Variants in COL16A1 observed in about 807,000 individuals in gnomAD.
COL16A1 encodes collagen type XVI alpha 1 chain.
In COL16A1, 189 loss-of-function variants were observed where a neutral mutation model predicts 266.3. The observed-to-expected ratio is 0.71, with a 90% confidence interval of 0.63 to 0.80. The LOEUF is 0.80. Among genes scored for constraint, COL16A1 ranks in the 30% least tolerant of loss-of-function variants. The pLI, the probability that COL16A1 is intolerant of heterozygous loss-of-function variation, is 0.00. For synonymous variants in COL16A1, 740 were observed against 782.3 expected, an observed-to-expected ratio of 0.95 and a Z score of 0.90; for missense variants, 1,928 against 2,122.4, an observed-to-expected ratio of 0.91 and a Z score of 1.80.
Position 31,668,744 on chromosome 1 carries a change from C to A in COL16A1, c.3249+58G>T. The A allele has an allele frequency of 6.3e-7, 1 of 1,591,460 alleles. No individual in the cohort carries two copies. The highest frequency in any genetic ancestry group is 8.6e-7 in the Non-Finnish European group (1 of 1,159,872). ...GCCACCCTTCAGAGCTCAAGCTCTG[C>A]CTCCCCAGCTCTTCCTCCCTTTCCA... On this transcript the variant is annotated intron_variant, in intron 50 of 70. Transcript: ENST00000373672. This position sits in a 1 kb window ranked among gnomAD's most constrained non-coding sequence, Gnocchi z 5.8.
rs936557776 is a variant in COL16A1, at chr1:31,695,232, A to G, written c.946-11T>C. On this transcript the variant is annotated splice_polypyrimidine_tract_variant and intron_variant, in intron 10 of 70. Coordinates refer to ENST00000373672, the MANE Select transcript of COL16A1 (RefSeq NM_001856.4). ...GACACAGGGCGGACACTGAAAGGGA[A>G]GAGCAGGCGAAGAGGTCAATTCTGA... 1 of 1,613,752 alleles carries G rather than the reference A, an allele frequency of 6.2e-7. No homozygotes were observed. Among genetic ancestry groups the G allele is most frequent in the Admixed American group, 1.7e-5 (1 of 59,988 alleles).
chr1:31,655,347 C>T lies in COL16A1; in HGVS notation c.4257G>A (p.Gly1419=), dbSNP rs192646338. Residue 1419 remains glycine (G), a synonymous_variant, in exon 67 of 71, where the codon GGG becomes GGA. Transcript: ENST00000373672. ...CAGGCACACCAGGCAAGCCAGGGCT[C>T]CCCGAAGGCCCCGGAGCTCCAGGGT... ...RGHPGAPGPS[G]SPGLPGVPGS... The T allele has an allele frequency of 1.2e-6, 2 of 1,612,890 alleles. No homozygotes were observed. Among genetic ancestry groups the T allele is most frequent in the Non-Finnish European group, 1.7e-6 (2 of 1,179,530 alleles).
chr1:31,664,394 T>C lies in COL16A1; in HGVS notation c.3555+778A>G, dbSNP rs573611276. On this transcript the variant is annotated intron_variant, in intron 56 of 70. Coordinates refer to ENST00000373672, the MANE Select transcript of COL16A1 (RefSeq NM_001856.4). The surrounding 1 kb of genome is among the most constrained non-coding windows in gnomAD (Gnocchi z 5.5). The stretch of plus-strand genomic sequence containing the variant: ...CACAGTGAGACGTTCATGCGTGTGC[T>C]CTCAGGGGAAAGAGGCTCTCCACAA... Among the ~76,000 whole-genome samples the C allele has an allele frequency of 7.0e-4, 107 of 152,180 alleles. 1 individual carries two copies. The highest frequency in any genetic ancestry group is 2.4e-3 in the African/African-American group (100 of 41,498).
chr1:31,696,249 C>T (rs998073229), intron 8 of COL16A1, 108 bp from the exon 9 acceptor site: 15 of 938,596 alleles, frequency 1.6e-5, no homozygotes, highest in Admixed American at 1.2e-4. Flanking sequence ...ATCCTTCAGC[C>T]TGGCATCTGG....
At position 31,661,016 on chromosome 1, in the gene COL16A1, C is replaced by T. The variant is rs549992059; in HGVS notation, c.3825+50G>A. ...AGAAGCGGCTGCATCCCAGACTCTGCAGAGTCTGAAGGCAAACTGAAGGCA... is the reference window on the plus strand; with the variant it reads ...AGAAGCGGCTGCATCCCAGACTCTGTAGAGTCTGAAGGCAAACTGAAGGCA... On this transcript the variant is annotated intron_variant, in intron 61 of 70. Coordinates refer to ENST00000373672, the MANE Select transcript of COL16A1 (RefSeq NM_001856.4). 1.4e-5 allele frequency: 21 copies of T among 1,532,950 alleles called. 1 individual carries two copies. The South Asian group carries it at 2.4e-4, about 18-fold the overall frequency. The allele number at this position is 1,532,950 out of a possible 1,614,324, so 95.0% of individuals were successfully genotyped here.
intron 17 of COL16A1, 86 bp from the exon 18 acceptor site, chr1:31,691,728 A>G: frequency 7.2e-7 from 1 of 1,391,188 alleles, no homozygotes; most frequent in Non-Finnish European, 9.7e-7. Flanking sequence ...CACCTGTCCC[A>G]CCCTCCCTGC....
Position 31,685,277 on chromosome 1 carries a change from G to A in COL16A1, c.2016+362C>T, listed in dbSNP as rs975489335. Among the ~76,000 whole-genome samples, 1 of 151,982 alleles carries A rather than the reference G, an allele frequency of 6.6e-6. No homozygotes were observed. Among genetic ancestry groups the A allele is most frequent in the African/African-American group, 2.4e-5 (1 of 41,238 alleles). ...CTGCCATTTCCCCAGTGCCCATGGT[G>A]TACCACTAAGCACTTCACACACGCC... On this transcript the variant is annotated intron_variant, in intron 29 of 70. Transcript: ENST00000373672. This position sits in a 1 kb window ranked among gnomAD's most constrained non-coding sequence, Gnocchi z 4.0.
intron 13 of COL16A1, 110 bp downstream of exon 13, chr1:31,692,982 G>A: frequency 4.1e-6 from 4 of 973,836 alleles, no homozygotes; most frequent in Non-Finnish European, 6.4e-6. Context: ...CCGTGATCTG[G>A]GCCAAGCTGC....
intron 39 of COL16A1, among the ~76,000 whole-genome samples, chr1:31,680,338 C>T (rs368206509): frequency 2.0e-5 from 3 of 152,174 alleles, no homozygotes; most frequent in African/African-American, 7.2e-5. Context: ...AAAATGGATT[C>T]GTGTATGCAG....
rs773309803 is a variant in COL16A1 at position 31,653,552 on chromosome 1, G to A, written c.4612+47C>T. On this transcript the variant is annotated intron_variant, in intron 70 of 70. Transcript: ENST00000373672. ...CATAGAAGAAACAGAAAGAAAAGGG[G>A]TCTCTGCTGCTCTGGATTCATGGTC... 15 of 1,573,654 alleles carry A rather than the reference G, an allele frequency of 9.5e-6. No individual in the cohort carries two copies. In the South Asian group the frequency reaches 1.6e-4, roughly 17 times the overall value.
intron 49 of COL16A1, among the ~76,000 whole-genome samples, chr1:31,669,217 G>A (rs893372330): frequency 2.6e-5 from 4 of 152,142 alleles, no homozygotes; most frequent in African/African-American, 7.2e-5. Flanking sequence ...GATCAGATGT[G>A]TGCTTATTCT....
intron 36 of COL16A1, 66 bp from the exon 37 acceptor site, chr1:31,683,068 AG>A (rs2148765046): frequency 6.2e-7 from 1 of 1,611,652 alleles, no homozygotes. Flanking sequence ...CCAGCAGGTA[AG>A]ACACATCTCA....
chr1:31,676,508 T>C (rs1456029434), intron 42 of COL16A1, among the ~76,000 whole-genome samples: 2 of 152,142 alleles, frequency 1.3e-5, no homozygotes, highest in Non-Finnish European at 2.9e-5. Context: ...CAAGGGTGGG[T>C]ACTTGCCAGT....
chr1:31,702,976 A>G (rs1383280208), intron 1 of COL16A1, among the ~76,000 whole-genome samples: 1 of 152,114 alleles, frequency 6.6e-6, no homozygotes, highest in Non-Finnish European at 1.5e-5. Context: ...AGAGCCATAC[A>G]TCGTCTGGCC....
intron 23 of COL16A1, chr1:31,689,368 G>A: frequency 1.7e-6 from 1 of 590,744 alleles, no homozygotes; most frequent in South Asian, 2.1e-5. Context: ...TCCTGAAAGA[G>A]GGGGTCTGTG....
chr1:31,696,862 C>T lies in COL16A1; in HGVS notation c.864+101G>A, dbSNP rs979912913. On this transcript the variant is annotated intron_variant, in intron 8 of 70. Coordinates refer to ENST00000373672, the MANE Select transcript of COL16A1 (RefSeq NM_001856.4). ...TTCCAGTGCCCCTCCTGCCCTGGGC[C>T]CATGGCCAACTGACCCTGGTGGCAG... 37 of 1,576,696 alleles carry T rather than the reference C, an allele frequency of 2.3e-5. No individual in the cohort carries two copies. The African/African-American group carries it at 4.8e-4, about 21-fold the overall frequency.
At position 31,671,599 on chromosome 1, in the gene COL16A1, C is replaced by CACAAATCTACAAAA. The variant is rs1292147342; in HGVS notation, c.3150+15_3150+16insTTTTGTAGATTTGT. 6.2e-7 allele frequency: 1 copy of CACAAATCTACAAAA among 1,614,014 alleles called. No homozygotes were observed. ...TGAGAGCTTCTCAAGCAGACCAGGG[C>CACAAATCTACAAAA]ACCACTGATACTTACGATAGGGCCT... On this transcript the variant is annotated intron_variant, in intron 48 of 70. Transcript: ENST00000373672.
chr1:31,684,766 G>A, intron 30 of COL16A1, 55 bp downstream of exon 30: 1 of 1,613,764 alleles, frequency 6.2e-7, no homozygotes, highest in South Asian at 1.1e-5. Context: ...ATGAGGCAAG[G>A]AGGGGATCTG....
rs1031091571 is a variant in COL16A1, at chr1:31,677,955, C to A, written c.2772+1677G>T. ...CACTTTGAAATGACTCTTACACTTC[C>A]CCAAGCAAACTGCAAGCCCTCTGCA... On this transcript the variant is annotated intron_variant, in intron 42 of 70. Transcript: ENST00000373672. Among the ~76,000 whole-genome samples the A allele has an allele frequency of 2.0e-5, 3 of 152,308 alleles. No individual in the cohort carries two copies. The South Asian group carries it at 6.2e-4, about 32-fold the overall frequency.
Sources: allele counts gnomAD v4.1 joint callset (sites outside exome capture counted in the v4.1 genomes callset), GRCh38; gene constraint gnomAD v4.1.1; non-coding constraint Gnocchi (gnomAD v3.1); transcripts MANE v1.5; gene names NCBI Gene and HGNC (gene_info 2026-07-23, HGNC 2026-07-21).